Variants in KANSL2 observed in about 807,000 individuals in gnomAD.
KANSL2 encodes KAT8 regulatory NSL complex subunit 2.
Under a neutral mutation model 55.6 loss-of-function variants are expected in KANSL2, and 34 were observed. The ratio of observed to expected loss-of-function variants is 0.61; its 90% CI spans 0.46 to 0.81. KANSL2 has a LOEUF of 0.81. KANSL2 is among the 40% of genes least tolerant of loss of function. The pLI is 0.00. For missense variants in KANSL2, 502 were observed against 609.9 expected, an observed-to-expected ratio of 0.82 and a Z score of 1.86; for synonymous variants, 209 against 214.3, an observed-to-expected ratio of 0.98 and a Z score of 0.22.
At chr12:48,671,208 T>C (rs1444149075) in intron 5 of KANSL2, among the ~76,000 whole-genome samples, 3 of 148,954 alleles carry the variant, frequency 2.0e-5, no homozygotes, top group Admixed American at 6.8e-5. Flanking sequence ...GAGGTTGCAG[T>C]GAGCTGAGAT....
At chr12:48,654,206 G>A (rs762908709) in intron 9 of KANSL2, 31 bp from the exon 10 acceptor site, 2 of 1,580,170 alleles carry the variant, frequency 1.3e-6, no homozygotes, top group South Asian at 2.3e-5. Flanking sequence ...ACTTCAGTTA[G>A]TAATTCATTC....
Position 48,679,066 on chromosome 12 carries a change from C to T in KANSL2, c.515G>A (p.Ser172Asn). 6.2e-7 allele frequency: 1 copy of T among 1,613,684 alleles called. No homozygotes were observed. The highest frequency in any genetic ancestry group is 8.5e-7 in the Non-Finnish European group (1 of 1,179,648). ...WRGDPDSEADSIDSDQEDPLK... is the reference protein window; with the variant it reads ...WRGDPDSEADNIDSDQEDPLK... ...GGGATCTTCTTGATCACTGTCTATG[C>T]TATCAGCTTCACTGTCAGGGTCACC... Residue 172 changes from serine (S) to asparagine (N), a missense_variant, in exon 4 of 10, where the codon AGC (serine) becomes AAC (asparagine). Physicochemically the swap from Ser to Asn is conservative, Grantham distance 46. Transcript: ENST00000420613.
intron 4 of KANSL2, among the ~76,000 whole-genome samples, chr12:48,672,398 T>C (rs886360502): frequency 1.4e-5 from 2 of 139,244 alleles, no homozygotes; most frequent in African/African-American, 5.3e-5. Flanking sequence ...TACATGTATA[T>C]ATATATATAC....
intron 7 of KANSL2, among the ~76,000 whole-genome samples, chr12:48,664,056 G>A (rs1487134574): frequency 2.0e-5 from 3 of 150,264 alleles, no homozygotes; most frequent in African/African-American, 2.4e-5. Flanking sequence ...CTGGGATTAC[G>A]GGTGCCCATC....
At chr12:48,657,066 T>A (rs1939399207) in intron 8 of KANSL2, among the ~76,000 whole-genome samples, 1 of 152,148 alleles carries the variant, frequency 6.6e-6, no homozygotes, top group Non-Finnish European at 1.5e-5. Context: ...CATTAAAGAA[T>A]ATATATAATT....
At chr12:48,669,467 T>C (rs1939665453) in intron 5 of KANSL2, among the ~76,000 whole-genome samples, 195 bp from the exon 6 acceptor site, 1 of 152,226 alleles carries the variant, frequency 6.6e-6, no homozygotes, top group East Asian at 1.9e-4. Flanking sequence ...TAATCAATCA[T>C]TGACCATACA....
chr12:48,679,541 A>G (rs1355070351), intron 3 of KANSL2, 114 bp downstream of exon 3: 15 of 823,372 alleles, frequency 1.8e-5, no homozygotes, highest in Non-Finnish European at 2.8e-5. Flanking sequence ...CATTCTCACC[A>G]AATTCCTGAT....
intron 3 of KANSL2, 118 bp from the exon 4 acceptor site, chr12:48,679,268 A>G (rs1939878136): frequency 2.6e-6 from 2 of 768,108 alleles, no homozygotes; most frequent in African/African-American, 1.7e-5. Context: ...AACAAAAAAA[A>G]AAACACTTAG....
chr12:48,654,583 T>C (rs1939341768), intron 9 of KANSL2: 2 of 579,422 alleles, frequency 3.5e-6, no homozygotes, highest in Admixed American at 2.0e-5. Context: ...CCTTCTACAA[T>C]GAGAACAATT....
Position 48,669,136 on chromosome 12 carries a change from T to C in KANSL2, c.846A>G (p.Arg282=). 6.4e-7 allele frequency: 1 copy of C among 1,550,410 alleles called. No homozygotes were observed. Among genetic ancestry groups the C allele is most frequent in the Middle Eastern group, 1.7e-4 (1 of 5,980 alleles). ...GGGCAGCACCATCTGTGGCCAGCATTCTCCGTTCCTTCAACTGCCTATGCA... is the reference window on the plus strand; with the variant it reads ...GGGCAGCACCATCTGTGGCCAGCATCCTCCGTTCCTTCAACTGCCTATGCA... ...ALLHRQLKER[R]MLATDGAAQQ... The change falls in exon 6 of 10, where the codon AGA becomes AGG. Residue 282 remains arginine, a synonymous_variant. Coordinates refer to ENST00000420613, the MANE Select transcript of KANSL2 (RefSeq NM_017822.4).
At chr12:48,657,177 T>C (rs779422257) in intron 8 of KANSL2, among the ~76,000 whole-genome samples, 8 of 152,106 alleles carry the variant, frequency 5.3e-5, no homozygotes, top group Non-Finnish European at 1.0e-4. Context: ...GGTCAAGAGA[T>C]TGAGACCATC....
intron 5 of KANSL2, among the ~76,000 whole-genome samples, chr12:48,669,520 AAT>A (rs1939667017): frequency 2.0e-5 from 3 of 149,568 alleles, no homozygotes; most frequent in Non-Finnish European, 3.0e-5. Flanking sequence ...CTGGAAAAAA[AAT>A]TTTTTTTTTT....
At position 48,653,435 on chromosome 12, in the gene KANSL2, T is replaced by C. The variant is rs1204005750; in HGVS notation, c.*609A>G. 6.5e-6 allele frequency: 1 copy of C among 152,672 alleles called. No individual in the cohort carries two copies. Among genetic ancestry groups the C allele is most frequent in the African/African-American group, 2.4e-5 (1 of 41,470 alleles). 9.5% of individuals were successfully genotyped at this position (152,672 alleles called of 1,614,324 possible). ...TTCAGGTGACTGTTTGATATTTTCA[T>C]AACATTTTCTTTAACATTTAATAGA... On this transcript the variant is annotated 3_prime_UTR_variant, in exon 10 of 10. Coordinates refer to ENST00000420613, the MANE Select transcript of KANSL2 (RefSeq NM_017822.4).
chr12:48,655,308 C>A (rs983140540), intron 8 of KANSL2, among the ~76,000 whole-genome samples: 1 of 152,148 alleles, frequency 6.6e-6, no homozygotes. Context: ...GGCCACCACA[C>A]CTCTAATCCC....
Position 48,669,099 on chromosome 12 carries a change from A to C in KANSL2, c.876+7T>G. On this transcript the variant is annotated splice_region_variant and intron_variant, in intron 6 of 9. Transcript: ENST00000420613. The stretch of plus-strand genomic sequence containing the variant: ...GTATATACCTTAAAGGTATACACAC[A>C]AATTACCTGTTGGGCAGCACCATCT... 6.5e-7 allele frequency: 1 copy of C among 1,533,634 alleles called. No homozygotes were observed. Among genetic ancestry groups the C allele is most frequent in the South Asian group, 1.2e-5 (1 of 81,494 alleles).
chr12:48,681,843 CA>C (rs1366356741), intron 1 of KANSL2: 2 of 709,458 alleles, frequency 2.8e-6, no homozygotes, highest in South Asian at 1.5e-5. Context: ...TGCCCGGCCC[CA>C]CCCCGAACCA....
chr12:48,679,670 C>T lies in KANSL2; in HGVS notation c.415G>A (p.Ala139Thr). ...SQTPESSRSE[A>T]SRILDEDSWS... ...AGGTCCTTACCTAGTATTCGGCTGG[C>T]TTCACTGCGACTACTTTCTGGAGTC... The change falls in exon 3 of 10, where the codon GCC becomes ACC. Residue 139 changes from alanine (A) to threonine (T), a missense_variant. Transcript: ENST00000420613. 6.2e-7 allele frequency: 1 copy of T among 1,613,590 alleles called. No individual in the cohort carries two copies. The highest frequency in any genetic ancestry group is 8.5e-7 in the Non-Finnish European group (1 of 1,179,774).
chr12:48,654,222 G>C (rs377129348), intron 9 of KANSL2, 47 bp from the exon 10 acceptor site: 2 of 1,566,700 alleles, frequency 1.3e-6, no homozygotes, highest in Admixed American at 1.9e-5. Context: ...CATTCACTGT[G>C]GTCTGAAGTA....
chr12:48,681,573 G>T lies in KANSL2; in HGVS notation c.60C>A (p.Pro20=). Residue 20 remains proline (P), a synonymous_variant, in exon 2 of 10, where the codon CCC becomes CCA. Coordinates refer to ENST00000420613, the MANE Select transcript of KANSL2 (RefSeq NM_017822.4). The part of the protein sequence containing the change: ...PTNRGRITPV[P]RSQEPLSCAF... ...CACAAGACAGAGGTTCCTGAGACCT[G>T]GGCACTGGAGTGATCCTCCCCCGAT... is the stretch of plus-strand genomic sequence containing the variant. 1 of 1,613,970 alleles carries T rather than the reference G, an allele frequency of 6.2e-7. No homozygotes were observed. Among genetic ancestry groups the T allele is most frequent in the South Asian group, 1.1e-5 (1 of 91,076 alleles).
Sources: gnomAD v4.1 joint callset for allele counts (sites outside exome capture counted in the v4.1 genomes callset) on GRCh38, gnomAD v4.1.1 for gene constraint, MANE v1.5 for transcripts, NCBI Gene and HGNC (gene_info 2026-07-23, HGNC 2026-07-21) for gene names.